The following PLEKHG2 variants were observed in gnomAD, a reference collection of about 807,000 sequenced individuals.
PLEKHG2 encodes pleckstrin homology and RhoGEF domain containing G2.
A neutral mutation model predicts 104.4 loss-of-function variants in PLEKHG2; 71 were observed. The observed-to-expected ratio is 0.68, with a 90% CI of 0.56 to 0.83. The LOEUF (loss-of-function observed/expected upper bound fraction) is 0.83. Ranked by LOEUF, PLEKHG2 falls within the 40% of genes least tolerant of loss-of-function variation. The probability of loss-of-function intolerance (pLI) is 0.00; values close to 1 mark genes in which losing one functional copy is unlikely to be tolerated. For missense variants in PLEKHG2, 1,730 were observed against 1,809.4 expected (o/e 0.96, Z 0.80); for synonymous variants, 728 against 737.0 (o/e 0.99, Z 0.20).
In PLEKHG2 at chr19:39,424,884, T is replaced by C. The variant is rs780285897; in HGVS notation, c.3751T>C (p.Leu1251=). The part of the protein sequence containing the change: ...GGSLASHVAR[L]ESSDLTPPHS... ...CTCCTTAGCCTCTCACGTTGCCAGG[T>C]TGGAGTCTTCAGACTTGACGCCACC... Residue 1251 remains leucine, a synonymous_variant, in exon 19 of 19, where the codon TTG becomes CTG. Transcript: ENST00000425673. 1.1e-5 allele frequency: 18 copies of C among 1,614,152 alleles called. No homozygotes were observed. The highest frequency in any genetic ancestry group is 1.4e-5 in the Non-Finnish European group (17 of 1,180,022).
intron 16 of PLEKHG2, 185 bp from the exon 17 acceptor site, chr19:39,421,930 T>TGAGG: frequency 2.1e-6 from 1 of 478,104 alleles, no homozygotes; most frequent in Non-Finnish European, 3.5e-6. Flanking sequence ...GGCAGCAGAA[T>TGAGG]CGCTTGAACC....
Position 39,416,294 on chromosome 19 carries a change from CCA to C in PLEKHG2, c.480-53_480-52del. ...GGGGCCTCAGCCTCCTGGAGGCCTCCCATGGAGGGGTCGTGAAGGCAGGCGGT... is the reference window on the plus strand; with the variant it reads ...GGGGCCTCAGCCTCCTGGAGGCCTCCTGGAGGGGTCGTGAAGGCAGGCGGT... On this transcript the variant is annotated intron_variant, in intron 4 of 18. Transcript: ENST00000425673. This position sits in a 1 kb window ranked among gnomAD's most constrained non-coding sequence, Gnocchi z 4.5. 6.3e-7 allele frequency: 1 copy of C among 1,590,690 alleles called. No individual in the cohort carries two copies. Among genetic ancestry groups the C allele is most frequent in the Non-Finnish European group, 8.6e-7 (1 of 1,161,734 alleles).
At position 39,414,097 on chromosome 19, in the gene PLEKHG2, G is replaced by T; in HGVS notation, c.11G>T (p.Gly4Val). MPE[G>V]AQGLSLSKPS... ...CTGGGCCGCTCAGCCATGCCTGAGGGAGCCCAAGGACTGAGCCTCTCCAAA... is the reference window on the plus strand; with the variant it reads ...CTGGGCCGCTCAGCCATGCCTGAGGTAGCCCAAGGACTGAGCCTCTCCAAA... The change falls in exon 2 of 19, where the codon GGA becomes GTA. Residue 4 changes from glycine (G) to valine (V), a missense_variant. Gly to Val is a moderately radical substitution (Grantham distance 109). Coordinates refer to ENST00000425673, the MANE Select transcript of PLEKHG2 (RefSeq NM_022835.3). The T allele has an allele frequency of 1.3e-6, 2 of 1,551,368 alleles. No individual in the cohort carries two copies. Among genetic ancestry groups the T allele is most frequent in the East Asian group, 4.9e-5 (2 of 40,920 alleles).
In PLEKHG2 at chr19:39,412,939, C is replaced by G. The variant is rs976327049; in HGVS notation, c.-496C>G. ...TTCAAGAACTCAGGATCCAGGACCG[C>G]AGACTCCCTCCAGGGCTCCGATCCC... On this transcript the variant is annotated 5_prime_UTR_variant, in exon 1 of 19. Coordinates refer to ENST00000425673, the MANE Select transcript of PLEKHG2 (RefSeq NM_022835.3). 1 of 152,186 alleles carries G rather than the reference C, an allele frequency of 6.6e-6. No individual in the cohort carries two copies. The highest frequency in any genetic ancestry group is 6.5e-5 in the Admixed American group (1 of 15,290). The allele number at this position is 152,186 out of a possible 1,614,324, so 9.4% of individuals were successfully genotyped here. A position where few individuals can be genotyped will look rare whatever the true frequency, so the allele number is the denominator to read the frequency against.
chr19:39,424,526 G>A lies in PLEKHG2; in HGVS notation c.3393G>A (p.Leu1131=), dbSNP rs1163493392. 2.5e-6 allele frequency: 4 copies of A among 1,613,914 alleles called. No individual in the cohort carries two copies. The highest frequency in any genetic ancestry group is 3.4e-6 in the Non-Finnish European group (4 of 1,180,014). ...HRIPANAPLS[L]SQELPDTQVP... ...TCCCAGCCAACGCCCCACTGTCTTT[G>A]TCCCAGGAGCTCCCAGACACTCAGG... The change falls in exon 19 of 19, where the codon TTG becomes TTA. Residue 1131 remains leucine, a synonymous_variant. Coordinates refer to ENST00000425673, the MANE Select transcript of PLEKHG2 (RefSeq NM_022835.3).
In PLEKHG2 at chr19:39,424,131, C is replaced by A. The variant is rs758892992; in HGVS notation, c.2998C>A (p.Pro1000Thr). 15 of 1,614,008 alleles carry A rather than the reference C, an allele frequency of 9.3e-6. No individual in the cohort carries two copies. The highest frequency in any genetic ancestry group is 1.3e-5 in the Non-Finnish European group (15 of 1,180,010). The change falls in exon 19 of 19, where the codon CCA (proline) becomes ACA (threonine). Residue 1000 changes from proline (P) to threonine (T), a missense_variant. Physicochemically the swap from Pro to Thr is conservative, Grantham distance 38. Transcript: ENST00000425673. The stretch of plus-strand genomic sequence containing the variant: ...TAGAAGTCACATGGTTATACCAGCT[C>A]CATCCACCGCCTTTTGTCCTGAGCA... ...EHRSHMVIPA[P>T]STAFCPEQGH...
In PLEKHG2 at chr19:39,424,149, C is replaced by T. The variant is rs376671296; in HGVS notation, c.3016C>T (p.Pro1006Ser). 37 of 1,614,070 alleles carry T rather than the reference C, an allele frequency of 2.3e-5. No homozygotes were observed. The African/African-American group carries it at 4.4e-4, about 19-fold the overall frequency. ...VIPAPSTAFCPEQGHCADIHV... is the reference protein window; with the variant it reads ...VIPAPSTAFCSEQGHCADIHV... ...ACCAGCTCCATCCACCGCCTTTTGT[C>T]CTGAGCAGGGACACTGTGCGGACAT... Residue 1006 changes from proline to serine, a missense_variant, in exon 19 of 19, where the codon CCT (proline) becomes TCT (serine). Transcript: ENST00000425673.
rs200929963 is a variant in PLEKHG2 at position 39,420,671 on chromosome 19, C to T, written c.1297+12C>T. On this transcript the variant is annotated intron_variant, in intron 12 of 18. Coordinates refer to ENST00000425673, the MANE Select transcript of PLEKHG2 (RefSeq NM_022835.3). ...AAACAGCCTGCATTGTGAGTTGGGG[C>T]CTTGGGCTGGGAGGGTGTGGAAGTA... The T allele has an allele frequency of 6.6e-5, 107 of 1,613,996 alleles. No individual in the cohort carries two copies. The highest frequency in any genetic ancestry group is 9.0e-5 in the Non-Finnish European group (106 of 1,180,014).
At chr19:39,417,035 G>A (rs1380413961) in intron 7 of PLEKHG2, 35 bp downstream of exon 7, 1 of 1,569,710 alleles carries the variant, frequency 6.4e-7, no homozygotes, top group Non-Finnish European at 8.7e-7. Flanking sequence ...GCTGGGGAGG[G>A]GGAGGTCCTG....
At position 39,422,273 on chromosome 19, in the gene PLEKHG2, C is replaced by A. The variant is rs781036153; in HGVS notation, c.1662C>A (p.Gly554=). Residue 554 remains glycine, a synonymous_variant, in exon 17 of 19, where the codon GGC becomes GGA. Coordinates refer to ENST00000425673, the MANE Select transcript of PLEKHG2 (RefSeq NM_022835.3). ...TCCTGGAACTGCTGAATCAGCGAGG[C>A]CTTCGAGATCCAGGGGTGAGCTGGC... ...EEILELLNQR[G]LRDPGPSTHD... 4 of 1,611,778 alleles carry A rather than the reference C, an allele frequency of 2.5e-6. No individual in the cohort carries two copies. In the Middle Eastern group the frequency reaches 6.6e-4, roughly 266 times the overall value.
rs1361093791 is a variant in PLEKHG2 at position 39,423,356 on chromosome 19, C to T, written c.2302C>T (p.Arg768Trp). 9.3e-6 allele frequency: 15 copies of T among 1,613,500 alleles called. No individual in the cohort carries two copies. In the African/African-American group the frequency reaches 1.1e-4, roughly 11 times the overall value. ...ELAFRSCSEI[R>W]SAWQALEQGQ... ...GGCATTCCGCTCTTGCTCAGAAATCCGGAGCGCCTGGCAGGCATTGGAACA... is the reference window on the plus strand; with the variant it reads ...GGCATTCCGCTCTTGCTCAGAAATCTGGAGCGCCTGGCAGGCATTGGAACA... The change falls in exon 18 of 19, where the codon CGG becomes TGG. Residue 768 changes from arginine (R) to tryptophan (W), a missense_variant. Arg to Trp is a moderately radical substitution (Grantham distance 101, BLOSUM62 -3). Transcript: ENST00000425673.
Position 39,424,811 on chromosome 19 carries a change from C to T in PLEKHG2, c.3678C>T (p.Leu1226=), listed in dbSNP as rs1428075616. ...GAGGCTCTCTAGACATTCAGGGCCT[C>T]TCACCCACCCCAGTTCAGACCACCA... ...ERGGSLDIQG[L]SPTPVQTTMV... is the part of the protein sequence containing the mutation. The change falls in exon 19 of 19, where the codon CTC becomes CTT. Residue 1226 remains leucine, a synonymous_variant. Transcript: ENST00000425673. 1 of 1,614,076 alleles carries T rather than the reference C, an allele frequency of 6.2e-7. No homozygotes were observed. The highest frequency in any genetic ancestry group is 8.5e-7 in the Non-Finnish European group (1 of 1,180,032).
In PLEKHG2 at chr19:39,419,561, G is replaced by A. The variant is rs369838518; in HGVS notation, c.1263+558G>A. 5.9e-5 allele frequency among the ~76,000 whole-genome samples: 9 copies of A among 152,170 alleles called. No individual in the cohort carries two copies. In the South Asian group the frequency reaches 1.5e-3, roughly 25 times the overall value. On this transcript the variant is annotated intron_variant, in intron 11 of 18. Transcript: ENST00000425673. ...GTTCAAGAGCAGCCTGACCGACATG[G>A]AGAAACCCCATCTCTACTAAAAAAT...
intron 8 of PLEKHG2, 45 bp from the exon 9 acceptor site, chr19:39,417,860 C>A: frequency 6.6e-7 from 1 of 1,514,184 alleles, no homozygotes; most frequent in Non-Finnish European, 8.8e-7. Context: ...GCCACCTACC[C>A]ATGCTTGTCT....
Position 39,424,522 on chromosome 19 carries a change from C to T in PLEKHG2, c.3389C>T (p.Ser1130Phe). ...CGGATCCCAGCCAACGCCCCACTGT[C>T]TTTGTCCCAGGAGCTCCCAGACACT... ...DHRIPANAPL[S>F]LSQELPDTQV... The change falls in exon 19 of 19, where the codon TCT (serine) becomes TTT (phenylalanine). Residue 1130 changes from serine (S) to phenylalanine (F), a missense_variant. Transcript: ENST00000425673. The T allele has an allele frequency of 6.2e-7, 1 of 1,614,178 alleles. No homozygotes were observed.
Position 39,421,010 on chromosome 19 carries a change from C to A in PLEKHG2, c.1447+14C>A. 1 of 1,614,118 alleles carries A rather than the reference C, an allele frequency of 6.2e-7. No homozygotes were observed. The highest frequency in any genetic ancestry group is 1.7e-4 in the Middle Eastern group (1 of 6,036). On this transcript the variant is annotated intron_variant, in intron 14 of 18. Coordinates refer to ENST00000425673, the MANE Select transcript of PLEKHG2 (RefSeq NM_022835.3). ...GCAGGCAGTCTGGTGAGCACTCACC[C>A]CTAAGGGTGATCCAGGCATCGGGGT... is the stretch of plus-strand genomic sequence containing the variant.
Position 39,424,815 on chromosome 19 carries a change from C to T in PLEKHG2, c.3682C>T (p.Pro1228Ser). ...CTCTCTAGACATTCAGGGCCTCTCA[C>T]CCACCCCAGTTCAGACCACCATGGT... ...GGSLDIQGLS[P>S]TPVQTTMVLS... The change falls in exon 19 of 19, where the codon CCC becomes TCC. Residue 1228 changes from proline (P) to serine (S), a missense_variant. Pro to Ser is a moderately conservative substitution (Grantham distance 74). Coordinates refer to ENST00000425673, the MANE Select transcript of PLEKHG2 (RefSeq NM_022835.3). The T allele has an allele frequency of 6.2e-7, 1 of 1,614,214 alleles. No homozygotes were observed.
intron 9 of PLEKHG2, among the ~76,000 whole-genome samples, 186 bp downstream of exon 9, chr19:39,418,291 G>C (rs748854919): frequency 6.6e-6 from 1 of 152,146 alleles, no homozygotes; most frequent in Non-Finnish European, 1.5e-5. Flanking sequence ...AGAAAAAAAA[G>C]GAGAAGGCTG....
At chr19:39,419,660 G>A (rs1033670213) in intron 11 of PLEKHG2, among the ~76,000 whole-genome samples, 10 of 150,634 alleles carry the variant, frequency 6.6e-5, no homozygotes, top group African/African-American at 1.2e-4. Context: ...GGCGGATCAC[G>A]AGGTCCGGAG....
Sources: allele counts gnomAD v4.1 joint callset (sites outside exome capture counted in the v4.1 genomes callset), GRCh38; gene constraint gnomAD v4.1.1; non-coding constraint Gnocchi (gnomAD v3.1); transcripts MANE v1.5; gene names NCBI Gene and HGNC (gene_info 2026-07-23, HGNC 2026-07-21).